PPIL2: variants seen among roughly 807,000 people sequenced by gnomAD.
PPIL2 encodes the protein RING-type E3 ubiquitin-protein ligase PPIL2.
Under a neutral mutation model 75.2 loss-of-function variants are expected in PPIL2, and 50 were observed. The ratio of observed to expected loss-of-function variants is 0.66; its 90% CI spans 0.53 to 0.84. PPIL2 has a LOEUF of 0.84. Among genes scored for constraint, PPIL2 ranks in the 40% least tolerant of loss-of-function variants. The pLI is 0.00. For synonymous variants in PPIL2, 245 were observed against 258.8 expected, an observed-to-expected ratio of 0.95 and a Z score of 0.51; for missense variants, 590 against 685.0, an observed-to-expected ratio of 0.86 and a Z score of 1.55.
At chr22:21,691,324 G>T (rs1329585504) in intron 15 of PPIL2, among the ~76,000 whole-genome samples, 1 of 152,152 alleles carries the variant, frequency 6.6e-6, no homozygotes, top group South Asian at 2.1e-4. Flanking sequence ...CGTATTCAAA[G>T]ATCATTAGAC....
At chr22:21,681,528 A>G in intron 7 of PPIL2, 138 bp downstream of exon 7, 1 of 749,976 alleles carries the variant, frequency 1.3e-6, no homozygotes, top group Non-Finnish European at 2.2e-6. Context: ...AGGCATGGTC[A>G]TCTAGCAAAG....
Position 21,684,888 on chromosome 22 carries a change from A to G in PPIL2, c.689A>G (p.Lys230Arg). 6.2e-7 allele frequency: 1 copy of G among 1,614,018 alleles called. No homozygotes were observed. Among genetic ancestry groups the G allele is most frequent in the Non-Finnish European group, 8.5e-7 (1 of 1,179,904 alleles). ...GCAGCCACCATGAAGGCCCCGGAGA[A>G]GAAGAAAGTGGACAAGCTGAACGCT... The part of the protein sequence containing the change: ...ILAATMKAPE[K>R]KKVDKLNAAH... The change falls in exon 10 of 20, where the codon AAG (lysine) becomes AGG (arginine). Residue 230 changes from lysine (K) to arginine (R), a missense_variant. Lys to Arg is a conservative substitution (Grantham distance 26). Transcript: ENST00000398831.
chr22:21,680,625 C>G lies in PPIL2; in HGVS notation c.296-674C>G, dbSNP rs560280678. ...TGGGCAGATCATTAGGTCAGGAGATCGAGACCATCCTGGCTAACATGGTGA... is the reference window on the plus strand; with the variant it reads ...TGGGCAGATCATTAGGTCAGGAGATGGAGACCATCCTGGCTAACATGGTGA... On this transcript the variant is annotated intron_variant, in intron 6 of 19. Coordinates refer to ENST00000398831, the MANE Select transcript of PPIL2 (RefSeq NM_014337.4). Among the ~76,000 whole-genome samples, 5 of 151,814 alleles carry G rather than the reference C, an allele frequency of 3.3e-5. No homozygotes were observed. In the East Asian group the frequency reaches 9.7e-4, roughly 29 times the overall value.
rs758735282 is a variant in PPIL2, at chr22:21,687,703, A to G, written c.958A>G (p.Ile320Val). ...LCKKHYYDGTIFHRSIRNFVI... is the reference protein window; with the variant it reads ...LCKKHYYDGTVFHRSIRNFVI... ...CAAGAAGCATTATTACGATGGCACC[A>G]TCTTCCACAGATCCATCCGGAACTT... Residue 320 changes from isoleucine (I) to valine (V), a missense_variant, in exon 13 of 20, where the codon ATC (isoleucine) becomes GTC (valine). By Grantham distance (29) the Ile-to-Val change is conservative. Transcript: ENST00000398831. 2.5e-6 allele frequency: 4 copies of G among 1,613,678 alleles called. No homozygotes were observed. The highest frequency in any genetic ancestry group is 3.3e-5 in the Admixed American group (2 of 59,980).
chr22:21,694,645 C>T lies in PPIL2; in HGVS notation c.1249C>T (p.Pro417Ser), dbSNP rs1451674634. Residue 417 changes from proline (P) to serine (S), a missense_variant, in exon 17 of 20, where the codon CCC (proline) becomes TCC (serine). Pro to Ser is a moderately conservative substitution (Grantham distance 74, BLOSUM62 -1). Transcript: ENST00000398831. Reference sequence around the variant, plus strand: ...AGCCATGGAGAATGTGGAGAGTGACCCCAAAACTGACCGCCCTAAGGTCTG... The same window carrying T: ...AGCCATGGAGAATGTGGAGAGTGACTCCAAAACTGACCGCCCTAAGGTCTG... ...LTAMENVESD[P>S]KTDRPKEEIR... The T allele has an allele frequency of 8.7e-6, 14 of 1,614,114 alleles. No individual in the cohort carries two copies. Among genetic ancestry groups the T allele is most frequent in the Non-Finnish European group, 1.2e-5 (14 of 1,180,022 alleles).
chr22:21,690,382 GAA>G (rs770132497), intron 15 of PPIL2, among the ~76,000 whole-genome samples: 71 of 143,510 alleles, frequency 4.9e-4, no homozygotes, highest in African/African-American at 1.7e-3. Flanking sequence ...ACCCTGTCTG[GAA>G]AAAAAAAAAA....
chr22:21,685,183 T>G (rs987603743), intron 10 of PPIL2, among the ~76,000 whole-genome samples: 12 of 152,174 alleles, frequency 7.9e-5, no homozygotes, highest in Non-Finnish European at 1.5e-4. Context: ...TGGGGGCATG[T>G]AGGGGAGATC....
chr22:21,683,547 C>T (rs967208041), intron 9 of PPIL2, among the ~76,000 whole-genome samples: 3 of 152,246 alleles, frequency 2.0e-5, no homozygotes, highest in African/African-American at 4.8e-5. Flanking sequence ...CTCCTGTTTC[C>T]CTGGCCTCTG....
intron 1 of PPIL2, among the ~76,000 whole-genome samples, chr22:21,668,216 G>C (rs2066470460): frequency 6.6e-6 from 1 of 152,096 alleles, no homozygotes; most frequent in Non-Finnish European, 1.5e-5. Context: ...AGAACCCCAG[G>C]AAAACCTTAA....
Position 21,696,246 on chromosome 22 carries a change from C to A in PPIL2, c.*756C>A. On this transcript the variant is annotated 3_prime_UTR_variant, in exon 20 of 20. Transcript: ENST00000398831. Reference sequence around the variant, plus strand: ...GAGCTCTCAGGGCCCTGCTCACCTGCTCTGGCTGTGAACCACCTGGGCTTC... The same window carrying A: ...GAGCTCTCAGGGCCCTGCTCACCTGATCTGGCTGTGAACCACCTGGGCTTC... The A allele has an allele frequency of 9.8e-7, 1 of 1,020,830 alleles. No homozygotes were observed. The highest frequency in any genetic ancestry group is 1.2e-6 in the Non-Finnish European group (1 of 850,852). 63.2% of individuals were successfully genotyped at this position (1,020,830 alleles called of 1,614,324 possible).
At chr22:21,686,640 A>G in intron 11 of PPIL2, 82 bp downstream of exon 11, 4 of 1,413,180 alleles carry the variant, frequency 2.8e-6, no homozygotes, top group Non-Finnish European at 4.0e-6. Flanking sequence ...CTCCCACTTT[A>G]TTGGTCTGTC....
chr22:21,675,860 G>T (rs571081593), intron 6 of PPIL2, among the ~76,000 whole-genome samples: 20 of 152,348 alleles, frequency 1.3e-4, no homozygotes, highest in African/African-American at 4.1e-4. Flanking sequence ...ATAGAGCCCA[G>T]CCCAGTGCTG....
At chr22:21,670,923 C>T (rs915276877) in intron 3 of PPIL2, 74 bp from the exon 4 acceptor site, 7 of 1,405,338 alleles carry the variant, frequency 5.0e-6, no homozygotes, top group Non-Finnish European at 7.1e-6. Flanking sequence ...AGGAGGTCAC[C>T]ATGCCAGTCT....
rs527250219 is a variant in PPIL2, at chr22:21,692,242, G to A, written c.1140-1574G>A. 1.6e-3 allele frequency among the ~76,000 whole-genome samples: 239 copies of A among 150,932 alleles called. 4 individuals are homozygous for A. In the South Asian group the frequency reaches 0.045, roughly 29 times the overall value. On this transcript the variant is annotated intron_variant, in intron 15 of 19. Coordinates refer to ENST00000398831, the MANE Select transcript of PPIL2 (RefSeq NM_014337.4). ...GCGATCTCGGCTCACTGCAAGCTCCGCCTCCCAGGTTCATGCCATTCTCCT... is the reference window on the plus strand; with the variant it reads ...GCGATCTCGGCTCACTGCAAGCTCCACCTCCCAGGTTCATGCCATTCTCCT...
intron 15 of PPIL2, among the ~76,000 whole-genome samples, chr22:21,690,219 C>A (rs970554876): frequency 5.9e-5 from 9 of 151,706 alleles, no homozygotes; most frequent in Admixed American, 3.3e-4. Flanking sequence ...CCGATCTCTA[C>A]AAAAAATAAA....
At position 21,675,135 on chromosome 22, in the gene PPIL2, CCAAT is replaced by C; in HGVS notation, c.295+21_295+24del. 1.2e-6 allele frequency: 2 copies of C among 1,607,650 alleles called. No homozygotes were observed. Among genetic ancestry groups the C allele is most frequent in the Non-Finnish European group, 1.7e-6 (2 of 1,174,210 alleles). On this transcript the variant is annotated intron_variant, in intron 6 of 19. Transcript: ENST00000398831. The stretch of plus-strand genomic sequence containing the variant: ...GTGAGGGTGAGTGGAACTATCACAG[CCAAT>C]TCTGGGCTTGACCTGCAGACCCAAG...
intron 6 of PPIL2, among the ~76,000 whole-genome samples, chr22:21,677,452 C>T (rs1032909258): frequency 3.3e-5 from 5 of 152,258 alleles, no homozygotes; most frequent in South Asian, 2.1e-4. Context: ...CCCGGCACCT[C>T]GGGAGGCCGA....
At chr22:21,687,275 T>C (rs1232803778) in intron 12 of PPIL2, among the ~76,000 whole-genome samples, 1 of 152,212 alleles carries the variant, frequency 6.6e-6, no homozygotes, top group East Asian at 1.9e-4. Flanking sequence ...GCCGTGCGGC[T>C]GCACGGGTCC....
In PPIL2 at chr22:21,695,577, C is replaced by T; in HGVS notation, c.*87C>T. The T allele has an allele frequency of 6.5e-7, 1 of 1,535,426 alleles. No homozygotes were observed. The highest frequency in any genetic ancestry group is 2.5e-5 in the East Asian group (1 of 40,762). Reference sequence around the variant, plus strand: ...TCCATTTCCAGCCTTTCTAGCCTGCCCTCTGCTGCCAGCCAATAAATTGCT... The same window carrying T: ...TCCATTTCCAGCCTTTCTAGCCTGCTCTCTGCTGCCAGCCAATAAATTGCT... On this transcript the variant is annotated 3_prime_UTR_variant, in exon 20 of 20. Coordinates refer to ENST00000398831, the MANE Select transcript of PPIL2 (RefSeq NM_014337.4).
Sources: gnomAD v4.1 joint callset for allele counts (sites outside exome capture counted in the v4.1 genomes callset) on GRCh38, gnomAD v4.1.1 for gene constraint, MANE v1.5 for transcripts, NCBI Gene and HGNC (gene_info 2026-07-23, HGNC 2026-07-21) for gene names.